The following SLC8A1 variants were observed in gnomAD, a reference collection of about 807,000 sequenced individuals.
SLC8A1 encodes sodium/calcium exchanger 1.
Under a neutral mutation model 68.3 loss-of-function variants are expected in SLC8A1, and 18 were observed. That is an observed-to-expected ratio of 0.26 (90% CI 0.18 to 0.39). SLC8A1 has a LOEUF of 0.39. SLC8A1 is among the 10% of genes least tolerant of loss of function. SLC8A1 has a pLI of 1.00. For missense variants in SLC8A1, 985 were observed against 1,156.7 expected, an observed-to-expected ratio of 0.85 and a Z score of 2.15; for synonymous variants, 475 against 415.5, an observed-to-expected ratio of 1.14 and a Z score of -1.74.
intron 1 of SLC8A1, among the ~76,000 whole-genome samples, chr2:40,489,261 A>T (rs1705168123): frequency 6.6e-6 from 1 of 152,148 alleles, no homozygotes; most frequent in Admixed American, 6.6e-5. Flanking sequence ...CACAATCTGT[A>T]AAACAAAGGT....
In SLC8A1 at chr2:40,264,093, G is replaced by GA. The variant is rs2065049838; in HGVS notation, c.1809-86239dup. Among the ~76,000 whole-genome samples, 4 of 152,266 alleles carry GA rather than the reference G, an allele frequency of 2.6e-5. No homozygotes were observed. In the South Asian group the frequency reaches 8.3e-4, roughly 32 times the overall value. The stretch of plus-strand genomic sequence containing the variant: ...ACATTTATGCAGCCAGAAGACACAT[G>GA]AAAAAATGCTCATCATCACTGGCCA... On this transcript the variant is annotated intron_variant, in intron 2 of 7. Coordinates refer to ENST00000406785, the Ensembl canonical transcript of SLC8A1.
intron 2 of SLC8A1, among the ~76,000 whole-genome samples, chr2:40,333,079 G>T (rs1309014304): frequency 6.6e-6 from 1 of 152,166 alleles, no homozygotes; most frequent in Non-Finnish European, 1.5e-5. Context: ...ATTAAAAATT[G>T]ATTCAGCAGA....
At chr2:40,466,348 G>A (rs976863515) in intron 1 of SLC8A1, among the ~76,000 whole-genome samples, 3 of 152,118 alleles carry the variant, frequency 2.0e-5, no homozygotes, top group Non-Finnish European at 4.4e-5. Flanking sequence ...TTTGTGGAAC[G>A]ATATACCCGT....
intron 2 of SLC8A1, among the ~76,000 whole-genome samples, chr2:40,341,531 G>A (rs905871307): frequency 5.3e-5 from 8 of 152,042 alleles, no homozygotes; most frequent in African/African-American, 1.9e-4. Context: ...GTCTTTCCTT[G>A]GCCTATCTTC....
Position 40,196,707 on chromosome 2 carries a change from A to AAAAAT in SLC8A1, c.1809-18857_1809-18853dup, listed in dbSNP as rs530930620. Among the ~76,000 whole-genome samples, 11 of 152,080 alleles carry AAAAAT rather than the reference A, an allele frequency of 7.2e-5. No individual in the cohort carries two copies. The East Asian group carries it at 2.2e-3, about 30-fold the overall frequency. The stretch of plus-strand genomic sequence containing the variant: ...ACAGCAAATATCATTAAGGGCCTTA[A>AAAAAT]AAAATAACCCTTTTCTTTCATTATC... On this transcript the variant is annotated intron_variant, in intron 2 of 7. Coordinates refer to ENST00000406785, the Ensembl canonical transcript of SLC8A1.
intron 7 of SLC8A1, among the ~76,000 whole-genome samples, chr2:40,119,896 G>A (rs1325640742): frequency 6.6e-6 from 1 of 152,144 alleles, no homozygotes; most frequent in Non-Finnish European, 1.5e-5. Flanking sequence ...GAGACAGCAT[G>A]GCTGGAATTA....
intron 2 of SLC8A1, among the ~76,000 whole-genome samples, chr2:40,395,987 T>C (rs1327706797): frequency 2.6e-5 from 4 of 152,166 alleles, no homozygotes; most frequent in African/African-American, 9.6e-5. Context: ...CTTATTATTT[T>C]CTTCTGGGAA....
At chr2:40,222,581 C>T (rs115533603) in intron 2 of SLC8A1, among the ~76,000 whole-genome samples, 1 of 152,084 alleles carries the variant, frequency 6.6e-6, no homozygotes, top group Non-Finnish European at 1.5e-5. Context: ...TCAGAGTGAA[C>T]AGGCAACCTA....
rs953171947 is a variant in SLC8A1 at position 40,293,294 on chromosome 2, T to C, written c.1809-115439A>G. ...AAGGCAGGGAACATGGATGCTAACATGAAGTAGGAGTTACATAAATATTTG... is the reference window on the plus strand; with the variant it reads ...AAGGCAGGGAACATGGATGCTAACACGAAGTAGGAGTTACATAAATATTTG... On this transcript the variant is annotated intron_variant, in intron 2 of 7. Coordinates refer to ENST00000406785, the Ensembl canonical transcript of SLC8A1. 3.3e-4 allele frequency among the ~76,000 whole-genome samples: 50 copies of C among 152,144 alleles called. 1 individual carries two copies. The highest frequency in any genetic ancestry group is 6.6e-5 in the Admixed American group (1 of 15,250).
chr2:40,142,336 C>T (rs2041724763), intron 6 of SLC8A1, among the ~76,000 whole-genome samples: 1 of 151,668 alleles, frequency 6.6e-6, no homozygotes, highest in Non-Finnish European at 1.5e-5. Flanking sequence ...TCTCCTCTTA[C>T]CCACTCCCCA....
At chr2:40,278,736 C>T (rs2067109012) in intron 2 of SLC8A1, among the ~76,000 whole-genome samples, 1 of 152,072 alleles carries the variant, frequency 6.6e-6, no homozygotes, top group Non-Finnish European at 1.5e-5. Flanking sequence ...CTTCATCTCG[C>T]TTTTCTTTCT....
chr2:40,278,429 A>G (rs2067058966), intron 2 of SLC8A1, among the ~76,000 whole-genome samples: 1 of 152,170 alleles, frequency 6.6e-6, no homozygotes, highest in Non-Finnish European at 1.5e-5. Context: ...AGATCGCGCC[A>G]CTGCACTCCA....
At chr2:40,258,779 T>A (rs1574847190) in intron 2 of SLC8A1, among the ~76,000 whole-genome samples, 1 of 151,880 alleles carries the variant, frequency 6.6e-6, no homozygotes, top group African/African-American at 2.4e-5. Flanking sequence ...GAGGCAGAGG[T>A]TGCAGTGAGG....
In SLC8A1 at chr2:40,105,154, C is replaced by T. The variant is rs188446855; in HGVS notation, c.*10099G>A. The T allele has an allele frequency of 2.0e-4, 30 of 152,266 alleles. 1 individual carries two copies. In the East Asian group the frequency reaches 5.4e-3, roughly 27 times the overall value. The allele number at this position is 152,266 out of a possible 1,614,324, so 9.4% of individuals were successfully genotyped here. A position where few individuals can be genotyped will look rare whatever the true frequency, so the allele number is the denominator to read the frequency against. On this transcript the variant is annotated 3_prime_UTR_variant, in exon 8 of 8. Coordinates refer to ENST00000406785, the Ensembl canonical transcript of SLC8A1. Reference sequence around the variant, plus strand: ...GAGTCTAGAGCCATGTCAATATCCTCCCACAGAATGTGTATGGAGAATATT... The same window carrying T: ...GAGTCTAGAGCCATGTCAATATCCTTCCACAGAATGTGTATGGAGAATATT...
At chr2:40,483,532 G>T (rs1381002038) in intron 1 of SLC8A1, among the ~76,000 whole-genome samples, 1 of 152,092 alleles carries the variant, frequency 6.6e-6, no homozygotes, top group Non-Finnish European at 1.5e-5. Flanking sequence ...CAAAACAGAA[G>T]AAAAAACTAA....
intron 1 of SLC8A1, among the ~76,000 whole-genome samples, chr2:40,458,607 C>T (rs1422223291): frequency 6.6e-6 from 1 of 152,094 alleles, no homozygotes; most frequent in East Asian, 1.9e-4. Context: ...CACCGGTGTT[C>T]TGCCTGGCCA....
chr2:40,504,713 C>T (rs1026003441), intron 1 of SLC8A1, among the ~76,000 whole-genome samples: 18 of 151,924 alleles, frequency 1.2e-4, no homozygotes, highest in Non-Finnish European at 2.2e-4. Context: ...TGAAAATGTG[C>T]TCAACACCAC....
chr2:40,434,417 T>C (rs1207676949), intron 1 of SLC8A1, among the ~76,000 whole-genome samples: 5 of 152,124 alleles, frequency 3.3e-5, no homozygotes, highest in Admixed American at 1.3e-4. Context: ...TAAATGTGAG[T>C]TCCTTCTTCA....
At chr2:40,336,078 A>G (rs1444071889) in intron 2 of SLC8A1, among the ~76,000 whole-genome samples, 1 of 152,190 alleles carries the variant, frequency 6.6e-6, no homozygotes, top group African/African-American at 2.4e-5. Context: ...CATGACTTAA[A>G]AACGAAATCC....
Sources: gnomAD v4.1 joint callset for allele counts (sites outside exome capture counted in the v4.1 genomes callset) on GRCh38, gnomAD v4.1.1 for gene constraint, MANE v1.5 for transcripts, NCBI Gene and HGNC (gene_info 2026-07-23, HGNC 2026-07-21) for gene names.